The following ELMO1 variants were observed in gnomAD, a reference collection of about 807,000 sequenced individuals.
The protein encoded by ELMO1 is engulfment and cell motility 1, also known as engulfment and cell motility protein 1.
Under a neutral mutation model 98.9 loss-of-function variants are expected in ELMO1, and 26 were observed. The ratio of observed to expected loss-of-function variants is 0.26; its 90% CI spans 0.19 to 0.36. The LOEUF (loss-of-function observed/expected upper bound fraction) is 0.36. Among genes scored for constraint, ELMO1 ranks in the 10% least tolerant of loss-of-function variants. The pLI is 1.00. For synonymous variants in ELMO1, 346 were observed against 346.0 expected (o/e 1.00, Z 0.00); for missense variants, 627 against 935.2 (o/e 0.67, Z 4.30).
intron 16 of ELMO1, among the ~76,000 whole-genome samples, chr7:36,987,397 T>C (rs2129148997): frequency 6.6e-6 from 1 of 152,262 alleles, no homozygotes; most frequent in South Asian, 2.1e-4. Flanking sequence ...GCGGAAGCCC[T>C]CAGTTCCACA....
chr7:37,206,269 T>C (rs1437907939), intron 13 of ELMO1, among the ~76,000 whole-genome samples: 1 of 152,218 alleles, frequency 6.6e-6, no homozygotes, highest in East Asian at 1.9e-4. Context: ...AGAAAATTAT[T>C]ATCCCTCATT....
At chr7:37,366,757 T>A (rs1252286482) in intron 1 of ELMO1, among the ~76,000 whole-genome samples, 2 of 152,174 alleles carry the variant, frequency 1.3e-5, no homozygotes, top group African/African-American at 4.8e-5. Flanking sequence ...GCAATAGCAT[T>A]CTCCGAACTC....
chr7:37,074,462 G>A (rs2129227851), intron 15 of ELMO1, among the ~76,000 whole-genome samples: 1 of 152,298 alleles, frequency 6.6e-6, no homozygotes, highest in Admixed American at 6.5e-5. Flanking sequence ...TAAACTCCCA[G>A]TGCCTGGAAT....
intron 4 of ELMO1, among the ~76,000 whole-genome samples, chr7:37,286,176 G>C (rs113406288): frequency 6.6e-6 from 1 of 152,234 alleles, no homozygotes; most frequent in Non-Finnish European, 1.5e-5. Flanking sequence ...GGTCTGTGGA[G>C]AGAGGATGAG....
chr7:37,091,431 C>A (rs1784085899), intron 15 of ELMO1, among the ~76,000 whole-genome samples: 1 of 152,140 alleles, frequency 6.6e-6, no homozygotes, highest in African/African-American at 2.4e-5. Context: ...TCTTTCAGGA[C>A]AAGTGCTTTA....
chr7:37,074,342 G>A (rs1451864838), intron 15 of ELMO1, among the ~76,000 whole-genome samples: 1 of 151,970 alleles, frequency 6.6e-6, no homozygotes, highest in Admixed American at 6.6e-5. Context: ...TTAATATTCT[G>A]TTTTGCTTCT....
At chr7:37,337,261 C>A (rs1475225160) in intron 2 of ELMO1, among the ~76,000 whole-genome samples, 1 of 151,958 alleles carries the variant, frequency 6.6e-6, no homozygotes, top group African/African-American at 2.4e-5. Flanking sequence ...CCATTCTCAG[C>A]AAACTATCGC....
At chr7:37,307,754 T>C (rs1798685245) in intron 4 of ELMO1, among the ~76,000 whole-genome samples, 1 of 152,204 alleles carries the variant, frequency 6.6e-6, no homozygotes, top group African/African-American at 2.4e-5. Flanking sequence ...ATCATCTCGT[T>C]CTATGTTTTC....
chr7:37,231,462 GTGCCATAACT>G (rs1249045639), intron 8 of ELMO1, among the ~76,000 whole-genome samples: 1 of 152,230 alleles, frequency 6.6e-6, no homozygotes, highest in Non-Finnish European at 1.5e-5. Flanking sequence ...CACTGAGGAT[GTGCCATAACT>G]TCTGTAGCAT....
rs191408495 is a variant in ELMO1 at position 36,938,762 on chromosome 7, T to C, written c.1438-43745A>G. The stretch of plus-strand genomic sequence containing the variant: ...CTTGGATGGGAAAATCCTATTTCTC[T>C]ATTTTAGTTGTCATCAATGGCTACC... On this transcript the variant is annotated intron_variant, in intron 16 of 21. Transcript: ENST00000310758. 1.1e-4 allele frequency among the ~76,000 whole-genome samples: 17 copies of C among 152,340 alleles called. No individual in the cohort carries two copies. In the East Asian group the frequency reaches 3.3e-3, roughly 29 times the overall value.
At chr7:37,323,550 G>A (rs1214814347) in intron 2 of ELMO1, among the ~76,000 whole-genome samples, 1 of 152,132 alleles carries the variant, frequency 6.6e-6, no homozygotes, top group Non-Finnish European at 1.5e-5. Context: ...AAAATTAGCT[G>A]GGTGTGGCAG....
At chr7:37,247,451 G>A (rs962591846) in intron 6 of ELMO1, among the ~76,000 whole-genome samples, 1 of 152,126 alleles carries the variant, frequency 6.6e-6, no homozygotes, top group Non-Finnish European at 1.5e-5. Flanking sequence ...GATTCTTGGA[G>A]CAGGTGCCAT....
At chr7:37,426,247 G>C (rs1247355223) in intron 1 of ELMO1, among the ~76,000 whole-genome samples, 2 of 143,520 alleles carry the variant, frequency 1.4e-5, no homozygotes, top group African/African-American at 5.2e-5. Context: ...TCTGCTTCCT[G>C]GGCTCAAGCG....
chr7:37,108,731 A>T (rs546714601), intron 14 of ELMO1, among the ~76,000 whole-genome samples: 150 of 152,326 alleles, frequency 9.8e-4, no homozygotes, highest in African/African-American at 3.5e-3. Context: ...CTGACATTGC[A>T]GCAGAGTTGC....
chr7:37,035,794 G>A (rs1246165869), intron 15 of ELMO1, among the ~76,000 whole-genome samples: 1 of 152,226 alleles, frequency 6.6e-6, no homozygotes, highest in Admixed American at 6.5e-5. Flanking sequence ...ATTTACCAGA[G>A]AGAAAACTTT....
chr7:37,434,930 T>C (rs898319566), intron 1 of ELMO1, among the ~76,000 whole-genome samples: 2 of 152,164 alleles, frequency 1.3e-5, no homozygotes, highest in African/African-American at 2.4e-5. Flanking sequence ...ATCACACTTA[T>C]TTGTGTGATC....
intron 7 of ELMO1, among the ~76,000 whole-genome samples, chr7:37,233,844 A>T (rs77767457): frequency 0.016 from 2,365 of 152,352 alleles, 56 homozygotes; most frequent in African/African-American, 0.053. Flanking sequence ...CTTTTCTGGC[A>T]TATCGATGGA....
rs2110851 is a variant in ELMO1 at position 36,857,922 on chromosome 7, A to G, written c.1984-2171T>C. ...CCAGAATGCCAGAAAGTTATCAAAG[A>G]CGTAAGGGGTCCTCCCAATAGGACT... On this transcript the variant is annotated intron_variant, in intron 21 of 21. Coordinates refer to ENST00000310758, the MANE Select transcript of ELMO1 (RefSeq NM_014800.11). Among the ~76,000 whole-genome samples, 1,420 of 152,290 alleles carry G rather than the reference A, an allele frequency of 9.3e-3. 22 individuals carry two copies. Among genetic ancestry groups the G allele is most frequent in the African/African-American group, 0.032 (1,336 of 41,544 alleles).
At chr7:37,447,501 T>C (rs182024466) in intron 1 of ELMO1, among the ~76,000 whole-genome samples, 51 of 152,130 alleles carry the variant, frequency 3.4e-4, no homozygotes, top group African/African-American at 1.2e-3. Flanking sequence ...AGCCTGAGGC[T>C]GGTCCTTTAG....
Sources: allele counts gnomAD v4.1 joint callset (sites outside exome capture counted in the v4.1 genomes callset), GRCh38; gene constraint gnomAD v4.1.1; transcripts MANE v1.5; gene names NCBI Gene and HGNC (gene_info 2026-07-23, HGNC 2026-07-21).